The following VOPP1 variants were observed in gnomAD, a reference collection of about 807,000 sequenced individuals.
VOPP1 encodes VOPP1 WW domain binding protein, also known as WW domain binding protein VOPP1.
A neutral mutation model predicts 23.5 loss-of-function variants in VOPP1; 8 were observed. The ratio of observed to expected loss-of-function variants is 0.34; its 90% CI spans 0.20 to 0.61. The LOEUF (loss-of-function observed/expected upper bound fraction) is 0.61. VOPP1 is among the 20% of genes least tolerant of loss of function. The pLI is 0.78. For synonymous variants in VOPP1, 83 were observed against 97.3 expected, an observed-to-expected ratio of 0.85 and a Z score of 0.86; for missense variants, 174 against 238.1, an observed-to-expected ratio of 0.73 and a Z score of 1.77.
intron 1 of VOPP1, among the ~76,000 whole-genome samples, chr7:55,563,911 C>T (rs545793332): frequency 6.6e-6 from 1 of 152,150 alleles, no homozygotes; most frequent in South Asian, 2.1e-4. Context: ...AAAATTTTGA[C>T]AACCTTTGAG....
chr7:55,517,245 G>C (rs969924241), intron 2 of VOPP1, among the ~76,000 whole-genome samples: 1 of 151,400 alleles, frequency 6.6e-6, no homozygotes, highest in Non-Finnish European at 1.5e-5. Context: ...AACCGTGCCC[G>C]GCCTAATTTA....
chr7:55,527,581 A>G (rs536585171), intron 1 of VOPP1, among the ~76,000 whole-genome samples: 1 of 152,312 alleles, frequency 6.6e-6, no homozygotes, highest in South Asian at 2.1e-4. Flanking sequence ...TGTTCAGCAG[A>G]AGGACAGGGG....
At chr7:55,480,333 A>G (rs1792611692) in intron 4 of VOPP1, among the ~76,000 whole-genome samples, 1 of 152,212 alleles carries the variant, frequency 6.6e-6, no homozygotes, top group South Asian at 2.1e-4. Context: ...TAAAGTACTT[A>G]CGCACTTTGC....
At chr7:55,535,358 T>A (rs1372017586) in intron 1 of VOPP1, among the ~76,000 whole-genome samples, 2 of 152,154 alleles carry the variant, frequency 1.3e-5, no homozygotes, top group South Asian at 4.1e-4. Flanking sequence ...GGCTGACTGA[T>A]CAGGGCAAAG....
At chr7:55,516,930 ATATTTTTTTTTTTTTT>A (rs1795482342) in intron 2 of VOPP1, among the ~76,000 whole-genome samples, 1 of 50,056 alleles carries the variant, frequency 2.0e-5, no homozygotes, top group African/African-American at 1.2e-4. Flanking sequence ...ATATATATAT[ATATTTTTTTTTTTTTT>A]TTTTTTTTTT....
At chr7:55,447,015 G>A (rs114870544) in intron 4 of VOPP1, among the ~76,000 whole-genome samples, 1,712 of 152,240 alleles carry the variant, frequency 0.011, 38 homozygotes, top group African/African-American at 0.039. Flanking sequence ...CAGGGTGAAC[G>A]GGCTTGTGGC....
intron 4 of VOPP1, among the ~76,000 whole-genome samples, chr7:55,447,044 C>G (rs1405508478): frequency 1.3e-5 from 2 of 152,176 alleles, no homozygotes; most frequent in Non-Finnish European, 1.5e-5. Flanking sequence ...CAACCCTTAT[C>G]CCATTTATGA....
At chr7:55,481,526 A>C (rs1792710833) in intron 4 of VOPP1, among the ~76,000 whole-genome samples, 1 of 152,228 alleles carries the variant, frequency 6.6e-6, no homozygotes, top group Non-Finnish European at 1.5e-5. Context: ...GGAGCCCTGG[A>C]AGAACAGAGG....
At chr7:55,566,436 C>A (rs1245796649) in intron 1 of VOPP1, among the ~76,000 whole-genome samples, 1 of 151,944 alleles carries the variant, frequency 6.6e-6, no homozygotes, top group East Asian at 1.9e-4. Context: ...GTAGCGTGTA[C>A]CTGTAATCCC....
At position 55,563,582 on chromosome 7, in the gene VOPP1, T is replaced by C. The variant is rs547659083; in HGVS notation, c.54+8689A>G. Among the ~76,000 whole-genome samples, 3 of 152,362 alleles carry C rather than the reference T, an allele frequency of 2.0e-5. No individual in the cohort carries two copies. In the South Asian group the frequency reaches 6.2e-4, roughly 32 times the overall value. On this transcript the variant is annotated intron_variant, in intron 1 of 4. Transcript: ENST00000285279. Reference sequence around the variant, plus strand: ...ACATTTGCATATACACAGTGAAGTATCTTGGGGATGGGACCCAAGTCTAAA... The same window carrying C: ...ACATTTGCATATACACAGTGAAGTACCTTGGGGATGGGACCCAAGTCTAAA...
intron 4 of VOPP1, among the ~76,000 whole-genome samples, chr7:55,456,578 G>A (rs1021019529): frequency 5.3e-5 from 8 of 152,164 alleles, no homozygotes; most frequent in African/African-American, 1.9e-4. Context: ...ACTGGATAAA[G>A]AAAATGTGGC....
intron 4 of VOPP1, among the ~76,000 whole-genome samples, chr7:55,486,169 T>C (rs1298559419): frequency 6.6e-6 from 1 of 152,252 alleles, no homozygotes; most frequent in African/African-American, 2.4e-5. Context: ...TAAGTTTCTG[T>C]TCCCACTGAT....
intron 2 of VOPP1, chr7:55,515,983 T>C (rs1795381832): frequency 1.0e-6 from 1 of 985,392 alleles, no homozygotes; most frequent in Non-Finnish European, 1.2e-6. Context: ...CGGTGGCCCC[T>C]GTTTCAGGCC....
chr7:55,439,887 A>C (rs1722981), intron 4 of VOPP1, among the ~76,000 whole-genome samples: 3 of 152,064 alleles, frequency 2.0e-5, no homozygotes, highest in African/African-American at 7.2e-5. Context: ...AGAGAGCACC[A>C]AGTGGATCTG....
chr7:55,473,619 C>T (rs1014853082), intron 4 of VOPP1, among the ~76,000 whole-genome samples: 2 of 152,148 alleles, frequency 1.3e-5, no homozygotes, highest in African/African-American at 2.4e-5. Flanking sequence ...GAGCAGGGCA[C>T]GGGGGCACCA....
At chr7:55,491,776 G>A (rs2129019082) in intron 4 of VOPP1, among the ~76,000 whole-genome samples, 1 of 152,302 alleles carries the variant, frequency 6.6e-6, no homozygotes, top group South Asian at 2.1e-4. Flanking sequence ...TATTGCTATG[G>A]TCTTTGTAAG....
At chr7:55,522,515 T>A (rs556482412) in intron 1 of VOPP1, among the ~76,000 whole-genome samples, 1 of 152,342 alleles carries the variant, frequency 6.6e-6, no homozygotes, top group East Asian at 1.9e-4. Context: ...AAATTATAAT[T>A]CATTTCACTA....
chr7:55,567,054 T>TA (rs1798186204), intron 1 of VOPP1, among the ~76,000 whole-genome samples: 1 of 152,194 alleles, frequency 6.6e-6, no homozygotes, highest in Non-Finnish European at 1.5e-5. Flanking sequence ...TACTTTGTCT[T>TA]AAGGCACAGT....
At chr7:55,522,760 G>GCAGC (rs1795948878) in intron 1 of VOPP1, among the ~76,000 whole-genome samples, 2 of 152,294 alleles carry the variant, frequency 1.3e-5, no homozygotes, top group South Asian at 2.1e-4. Flanking sequence ...CCACAGCCAC[G>GCAGC]CAGCGAGAGC....
Sources: allele counts gnomAD v4.1 joint callset (sites outside exome capture counted in the v4.1 genomes callset), GRCh38; gene constraint gnomAD v4.1.1; transcripts MANE v1.5; gene names NCBI Gene and HGNC (gene_info 2026-07-23, HGNC 2026-07-21).